The following GRIN2A variants were observed in gnomAD, a reference collection of about 807,000 sequenced individuals.
GRIN2A encodes the protein glutamate receptor ionotropic, NMDA 2A.
GRIN2A carries 22 observed loss-of-function variants against 113.4 expected under a neutral mutation model. The ratio of observed to expected loss-of-function variants is 0.19; its 90% confidence interval spans 0.14 to 0.28. The LOEUF is 0.28. GRIN2A is among the 10% of genes least tolerant of loss of function. The probability of loss-of-function intolerance (pLI) is 1.00; values close to 1 mark genes in which losing one functional copy is unlikely to be tolerated. For synonymous variants in GRIN2A, 827 were observed against 738.4 expected, an observed-to-expected ratio of 1.12 and a Z score of -1.94; for missense variants, 1,502 against 1,887.0, an observed-to-expected ratio of 0.80 and a Z score of 3.78.
chr16:9,999,898 A>C (rs1039204689), intron 2 of GRIN2A, among the ~76,000 whole-genome samples: 4 of 152,114 alleles, frequency 2.6e-5, no homozygotes, highest in African/African-American at 4.8e-5. Flanking sequence ...TGAGGTCATA[A>C]ATTCTAAATG....
At chr16:9,934,678 TA>T (rs33916243) in intron 3 of GRIN2A, among the ~76,000 whole-genome samples, 904 of 50,772 alleles carry the variant, frequency 0.018, 11 homozygotes, top group African/African-American at 0.062. Context: ...AGACTCTGTC[TA>T]AAAAAAAAAA....
In GRIN2A at chr16:9,756,568, G is replaced by C. The variant is rs141391754; in HGVS notation, c.*6581C>G. 9.9e-4 allele frequency: 203 copies of C among 204,518 alleles called. 1 individual carries two copies. Among genetic ancestry groups the C allele is most frequent in the African/African-American group, 4.4e-3 (192 of 43,876 alleles). 12.7% of individuals were successfully genotyped at this position (204,518 alleles called of 1,614,324 possible). ...TATGTCTAACGTTAGGGATTTACTA[G>C]CTAATTCTAGTTGCTGACGAGGTTG... is the stretch of plus-strand genomic sequence containing the variant. On this transcript the variant is annotated 3_prime_UTR_variant, in exon 13 of 13. Transcript: ENST00000330684.
At chr16:10,094,615 G>A (rs2048249579) in intron 2 of GRIN2A, among the ~76,000 whole-genome samples, 1 of 151,910 alleles carries the variant, frequency 6.6e-6, no homozygotes, top group African/African-American at 2.4e-5. Context: ...ATGCCTGGCT[G>A]ATTTTTGTAT....
At position 9,875,869 on chromosome 16, in the gene GRIN2A, C is replaced by G. The variant is rs1484619255; in HGVS notation, c.1122+15117G>C. 2.0e-5 allele frequency among the ~76,000 whole-genome samples: 3 copies of G among 152,126 alleles called. No individual in the cohort carries two copies. In the East Asian group the frequency reaches 5.8e-4, roughly 29 times the overall value. ...AGTGCCCAGGCTGGAGTAGGTGTCC[C>G]AGTGTGCCATGTGCACCTCTCCTGT... On this transcript the variant is annotated intron_variant, in intron 4 of 12. Transcript: ENST00000330684.
intron 2 of GRIN2A, among the ~76,000 whole-genome samples, chr16:10,121,820 T>C (rs2048840859): frequency 6.6e-6 from 1 of 152,208 alleles, no homozygotes; most frequent in Admixed American, 6.5e-5. Flanking sequence ...CTAAAAGTTT[T>C]GATACTTTAA....
intron 2 of GRIN2A, among the ~76,000 whole-genome samples, chr16:9,994,091 C>A (rs1261147656): frequency 6.6e-6 from 1 of 152,180 alleles, no homozygotes; most frequent in Non-Finnish European, 1.5e-5. Context: ...CATCTTACAT[C>A]TTTGGCACAA....
intron 2 of GRIN2A, among the ~76,000 whole-genome samples, chr16:10,060,995 A>C (rs1324690428): frequency 6.6e-6 from 1 of 152,234 alleles, no homozygotes; most frequent in Non-Finnish European, 1.5e-5. Context: ...TTTAATTCAG[A>C]AACAATGTTT....
In GRIN2A at chr16:9,754,882, A is replaced by G. The variant is rs1900293712; in HGVS notation, c.*8267T>C. The G allele has an allele frequency of 4.5e-6, 1 of 224,640 alleles. No individual in the cohort carries two copies. Among genetic ancestry groups the G allele is most frequent in the Non-Finnish European group, 8.9e-6 (1 of 112,634 alleles). The allele number at this position is 224,640 out of a possible 1,614,324, so 13.9% of individuals were successfully genotyped here. ...GAGCCCTTTAAAACTTGAAACAGCA[A>G]AATGTCAGATCAATGGGAAGCATTT... On this transcript the variant is annotated 3_prime_UTR_variant, in exon 13 of 13. Coordinates refer to ENST00000330684, the MANE Select transcript of GRIN2A (RefSeq NM_001134407.3).
intron 4 of GRIN2A, among the ~76,000 whole-genome samples, chr16:9,863,950 C>T (rs1298692816): frequency 6.6e-6 from 1 of 152,084 alleles, no homozygotes; most frequent in Non-Finnish European, 1.5e-5. Flanking sequence ...GTAACTAGGA[C>T]AATCACAGAA....
At chr16:9,773,709 ACTT>A (rs1439045055) in intron 11 of GRIN2A, among the ~76,000 whole-genome samples, 2 of 152,172 alleles carry the variant, frequency 1.3e-5, no homozygotes, top group African/African-American at 2.4e-5. Flanking sequence ...CATTTGCAGA[ACTT>A]CTTTGCGCCC....
intron 2 of GRIN2A, chr16:10,031,348 G>A (rs1213238141): frequency 1.3e-5 from 2 of 152,156 alleles, no homozygotes; most frequent in Non-Finnish European, 2.9e-5. Context: ...CACTTCAAAT[G>A]TCAGCACAAG....
intron 3 of GRIN2A, among the ~76,000 whole-genome samples, chr16:9,902,259 T>C (rs764885352): frequency 1.3e-5 from 2 of 152,302 alleles, no homozygotes; most frequent in African/African-American, 2.4e-5. Context: ...GAAGGTATGA[T>C]ATGCATAACT....
chr16:10,088,337 C>T (rs2048120133), intron 2 of GRIN2A, among the ~76,000 whole-genome samples: 1 of 152,168 alleles, frequency 6.6e-6, no homozygotes, highest in African/African-American at 2.4e-5. Context: ...AAAAATGCCA[C>T]AGTGCCACTT....
chr16:9,961,197 C>A (rs908672745), intron 2 of GRIN2A, among the ~76,000 whole-genome samples: 6 of 152,162 alleles, frequency 3.9e-5, no homozygotes, highest in Admixed American at 2.6e-4. Context: ...TACTATCTCA[C>A]TGAAGCTGTG....
chr16:9,916,206 C>G (rs2044246599), intron 3 of GRIN2A, among the ~76,000 whole-genome samples: 2 of 152,118 alleles, frequency 1.3e-5, no homozygotes, highest in African/African-American at 4.8e-5. Context: ...GTCTAAAACA[C>G]TATATAACAT....
chr16:9,912,134 A>ACGAT (rs1397347098), intron 3 of GRIN2A, among the ~76,000 whole-genome samples: 2 of 152,066 alleles, frequency 1.3e-5, no homozygotes, highest in Non-Finnish European at 2.9e-5. Flanking sequence ...GATGGTAATG[A>ACGAT]CGATGACGAT....
At chr16:9,827,886 T>G (rs562058575) in intron 9 of GRIN2A, among the ~76,000 whole-genome samples, 93 of 152,312 alleles carry the variant, frequency 6.1e-4, no homozygotes, top group African/African-American at 2.2e-3. Context: ...CCCAGACAAT[T>G]TTAGTCTCAT....
intron 2 of GRIN2A, among the ~76,000 whole-genome samples, chr16:10,083,938 C>CA (rs1273892343): frequency 1.3e-5 from 2 of 151,948 alleles, no homozygotes; most frequent in Middle Eastern, 3.2e-3. Flanking sequence ...CCTGTCTCTA[C>CA]AAAAAAATAC....
At chr16:9,918,689 A>T (rs1431280691) in intron 3 of GRIN2A, among the ~76,000 whole-genome samples, 7 of 152,238 alleles carry the variant, frequency 4.6e-5, no homozygotes, top group Non-Finnish European at 1.0e-4. Context: ...ATTCTTACTT[A>T]AAATGTCACT....
Sources: gnomAD v4.1 joint callset for allele counts (sites outside exome capture counted in the v4.1 genomes callset) on GRCh38, gnomAD v4.1.1 for gene constraint, MANE v1.5 for transcripts, NCBI Gene and HGNC (gene_info 2026-07-23, HGNC 2026-07-21) for gene names.